The following GRM7 variants were observed in gnomAD, a reference collection of about 807,000 sequenced individuals.
GRM7 encodes the protein metabotropic glutamate receptor 7.
In GRM7, 35 loss-of-function variants were observed where a neutral mutation model predicts 84.5. That is an observed-to-expected ratio of 0.41 (90% confidence interval 0.32 to 0.55). The LOEUF is 0.55. Ranked by LOEUF, GRM7 falls within the 20% of genes least tolerant of loss-of-function variation. The pLI, the probability that GRM7 is intolerant of heterozygous loss-of-function variation, is 0.19. For missense variants in GRM7, 1,003 were observed against 1,194.6 expected, an observed-to-expected ratio of 0.84 and a Z score of 2.36; for synonymous variants, 487 against 455.1, an observed-to-expected ratio of 1.07 and a Z score of -0.89.
chr3:7,084,342 T>C (rs896699231), intron 1 of GRM7, among the ~76,000 whole-genome samples: 1 of 151,992 alleles, frequency 6.6e-6, no homozygotes, highest in Non-Finnish European at 1.5e-5. Flanking sequence ...TAGAGGTAGG[T>C]AGGGCCCAGG....
chr3:7,136,006 A>G (rs1693757876), intron 1 of GRM7, among the ~76,000 whole-genome samples: 1 of 152,096 alleles, frequency 6.6e-6, no homozygotes. Context: ...TTCCAAGCCT[A>G]GGAGATCCTT....
intron 5 of GRM7, among the ~76,000 whole-genome samples, chr3:7,417,220 G>A (rs1330580957): frequency 6.6e-6 from 1 of 151,998 alleles, no homozygotes; most frequent in Non-Finnish European, 1.5e-5. Flanking sequence ...AATTATAAGT[G>A]TACCCAAAAT....
At chr3:7,536,247 G>A (rs190228435) in intron 7 of GRM7, among the ~76,000 whole-genome samples, 348 of 152,212 alleles carry the variant, frequency 2.3e-3, no homozygotes, top group Admixed American at 1.5e-3. Context: ...ATCCCAGGAA[G>A]CATGGTAAGA....
rs570921148 is a variant in GRM7, at chr3:7,030,475, T to C, written c.520-115977T>C. Among the ~76,000 whole-genome samples the C allele has an allele frequency of 8.4e-4, 128 of 152,342 alleles. 3 individuals carry two copies. In the South Asian group the frequency reaches 0.026, roughly 31 times the overall value. On this transcript the variant is annotated intron_variant, in intron 1 of 9. Transcript: ENST00000357716. ...TTGAATAGTTTAAATATGTGAAGTT[T>C]GTTGGATTTCAATTATACCTGAATG...
At chr3:7,061,294 T>C (rs1697427203) in intron 1 of GRM7, among the ~76,000 whole-genome samples, 1 of 151,798 alleles carries the variant, frequency 6.6e-6, no homozygotes, top group South Asian at 2.1e-4. Flanking sequence ...ACAATGACAA[T>C]GGTAATAGCC....
chr3:7,135,690 A>T (rs933099354), intron 1 of GRM7, among the ~76,000 whole-genome samples: 1 of 143,686 alleles, frequency 7.0e-6, no homozygotes, highest in African/African-American at 2.9e-5. Context: ...ATATAATATA[A>T]AAAAATATAC....
At chr3:7,713,177 G>T (rs1411610688) in intron 9 of GRM7, among the ~76,000 whole-genome samples, 1 of 136,904 alleles carries the variant, frequency 7.3e-6, no homozygotes, top group African/African-American at 2.8e-5. Flanking sequence ...TTGTCACCCA[G>T]GCTGGAGTGC....
At chr3:7,126,944 T>A (rs1333402641) in intron 1 of GRM7, among the ~76,000 whole-genome samples, 1 of 152,242 alleles carries the variant, frequency 6.6e-6, no homozygotes, top group Non-Finnish European at 1.5e-5. Flanking sequence ...CACAAATCTA[T>A]TTTAAAAAGT....
chr3:6,973,190 T>TTTA (rs576247245), intron 1 of GRM7, among the ~76,000 whole-genome samples: 166 of 151,862 alleles, frequency 1.1e-3, no homozygotes, highest in East Asian at 2.1e-3. Flanking sequence ...TTATGATGGT[T>TTTA]TTATTATTAT....
chr3:7,386,806 A>T (rs906805102), intron 4 of GRM7, among the ~76,000 whole-genome samples: 1 of 152,212 alleles, frequency 6.6e-6, no homozygotes, highest in Non-Finnish European at 1.5e-5. Flanking sequence ...CTATTTGGTC[A>T]AATGGTAATT....
chr3:7,495,582 C>A (rs1353273108), intron 7 of GRM7, among the ~76,000 whole-genome samples: 5 of 152,088 alleles, frequency 3.3e-5, no homozygotes, highest in African/African-American at 1.2e-4. Context: ...CAGTATCTCT[C>A]AAGAGAAAAA....
At chr3:7,655,836 A>G (rs1371800137) in intron 8 of GRM7, among the ~76,000 whole-genome samples, 3 of 152,206 alleles carry the variant, frequency 2.0e-5, no homozygotes, top group African/African-American at 7.2e-5. Flanking sequence ...TGCACTTTTC[A>G]GGAATTTTGG....
At chr3:7,213,584 C>T (rs1254507554) in intron 2 of GRM7, among the ~76,000 whole-genome samples, 1 of 152,156 alleles carries the variant, frequency 6.6e-6, no homozygotes, top group African/African-American at 2.4e-5. Flanking sequence ...AGGAGGTTTA[C>T]TGGGGAGAAC....
intron 8 of GRM7, among the ~76,000 whole-genome samples, chr3:7,666,772 A>G (rs1206960803): frequency 6.6e-6 from 1 of 152,088 alleles, no homozygotes; most frequent in Non-Finnish European, 1.5e-5. Context: ...CTTATTACAT[A>G]TATTATATAT....
At chr3:7,513,294 G>A (rs762759130) in intron 7 of GRM7, among the ~76,000 whole-genome samples, 3 of 152,150 alleles carry the variant, frequency 2.0e-5, no homozygotes, top group Non-Finnish European at 4.4e-5. Context: ...AAAATCATTG[G>A]CAAAGAAGAG....
intron 7 of GRM7, among the ~76,000 whole-genome samples, chr3:7,533,823 G>A (rs1701134738): frequency 1.3e-5 from 2 of 152,090 alleles, no homozygotes; most frequent in Non-Finnish European, 2.9e-5. Flanking sequence ...TAATTCAAAA[G>A]GGTAATAGGA....
intron 4 of GRM7, among the ~76,000 whole-genome samples, chr3:7,390,286 T>A (rs1038844396): frequency 1.3e-5 from 2 of 152,140 alleles, no homozygotes; most frequent in Non-Finnish European, 2.9e-5. Flanking sequence ...GCTTTAAGGT[T>A]TTTTTGTGTG....
chr3:7,118,011 C>T (rs1211858213), intron 1 of GRM7, among the ~76,000 whole-genome samples: 1 of 152,088 alleles, frequency 6.6e-6, no homozygotes, highest in East Asian at 1.9e-4. Flanking sequence ...AACTCCTTAA[C>T]TATTACTGTG....
intron 1 of GRM7, among the ~76,000 whole-genome samples, chr3:7,055,293 C>G (rs1697174652): frequency 6.6e-6 from 1 of 151,618 alleles, no homozygotes; most frequent in South Asian, 2.1e-4. Context: ...ATACCAATAA[C>G]TATTCTTAAG....
Sources: gnomAD v4.1 joint callset for allele counts (sites outside exome capture counted in the v4.1 genomes callset) on GRCh38, gnomAD v4.1.1 for gene constraint, MANE v1.5 for transcripts, NCBI Gene and HGNC (gene_info 2026-07-23, HGNC 2026-07-21) for gene names.